ZNF513: variants seen among roughly 807,000 people sequenced by gnomAD.
ZNF513 encodes zinc finger protein 513.
ZNF513 carries 16 observed loss-of-function variants against 39.7 expected under a neutral mutation model. The observed-to-expected ratio is 0.40, with a 90% CI of 0.27 to 0.61. The LOEUF (loss-of-function observed/expected upper bound fraction) is 0.61. Among genes scored for constraint, ZNF513 ranks in the 20% least tolerant of loss-of-function variants. The pLI, the probability that ZNF513 is intolerant of heterozygous loss-of-function variation, is 0.39. For synonymous variants in ZNF513, 348 were observed against 296.5 expected (o/e 1.17, Z -1.79); for missense variants, 699 against 743.6 (o/e 0.94, Z 0.70).
chr2:27,379,783 C>T (rs1204637541), intron 2 of ZNF513, among the ~76,000 whole-genome samples: 2 of 152,128 alleles, frequency 1.3e-5, no homozygotes, highest in Non-Finnish European at 2.9e-5. Context: ...CTTCCCTGAA[C>T]CTCTCTTAAA....
rs752172050 is a variant in ZNF513, at chr2:27,377,419, C to A, written c.*126G>T. 1 of 1,069,856 alleles carries A rather than the reference C, an allele frequency of 9.3e-7. No homozygotes were observed. Among genetic ancestry groups the A allele is most frequent in the Admixed American group, 2.0e-5 (1 of 50,890 alleles). The allele number at this position is 1,069,856 out of a possible 1,614,324, so 66.3% of individuals were successfully genotyped here. A position where few individuals can be genotyped will look rare whatever the true frequency, so the allele number is the denominator to read the frequency against. On this transcript the variant is annotated 3_prime_UTR_variant, in exon 4 of 4. Coordinates refer to ENST00000323703, the MANE Select transcript of ZNF513 (RefSeq NM_144631.6). This position sits in a 1 kb window ranked among gnomAD's most constrained non-coding sequence, Gnocchi z 4.4. ...AGGTCCCCTGGTCCATATGGGCCCC[C>A]CCGCCCATGGGGTTGGGCTGGTCCT...
In ZNF513 at chr2:27,378,029, G is replaced by A. The variant is rs1214295773; in HGVS notation, c.1142C>T (p.Thr381Ile). The A allele has an allele frequency of 6.2e-7, 1 of 1,611,606 alleles. No homozygotes were observed. The highest frequency in any genetic ancestry group is 1.3e-5 in the African/African-American group (1 of 74,950). The change falls in exon 4 of 4, where the codon ACA becomes ATA. Residue 381 changes from threonine (T) to isoleucine (I), a missense_variant. Thr to Ile is a moderately conservative substitution (Grantham distance 89). Transcript: ENST00000323703. This position sits in a 1 kb window ranked among gnomAD's most constrained non-coding sequence, Gnocchi z 8.0. ...YPNHLARHMK[T>I]HSGEKPFRCA... ...GCGGAAGGGCTTCTCACCACTGTGT[G>A]TCTTCATGTGCCGGGCCAGGTGGTT... is the stretch of plus-strand genomic sequence containing the variant.
At position 27,378,598 on chromosome 2, in the gene ZNF513, C is replaced by T. The variant is rs768676752; in HGVS notation, c.668G>A (p.Arg223Gln). ...GGGCCCTGCGTGGGTACGCTGATGCCGCCTCAGGTTGCCCAGGCTGCTGCA... is the reference window on the plus strand; with the variant it reads ...GGGCCCTGCGTGGGTACGCTGATGCTGCCTCAGGTTGCCCAGGCTGCTGCA... ...FACSSLGNLRRHQRTHAGPPT... is the reference protein window; with the variant it reads ...FACSSLGNLRQHQRTHAGPPT... Residue 223 changes from arginine (R) to glutamine (Q), a missense_variant, in exon 3 of 4, where the codon CGG becomes CAG. By Grantham distance (43) the Arg-to-Gln change is conservative (BLOSUM62 1). Coordinates refer to ENST00000323703, the MANE Select transcript of ZNF513 (RefSeq NM_144631.6). The surrounding 1 kb of genome is among the most constrained non-coding windows in gnomAD (Gnocchi z 8.0). The T allele has an allele frequency of 8.1e-6, 13 of 1,613,930 alleles. No individual in the cohort carries two copies. The highest frequency in any genetic ancestry group is 2.7e-5 in the African/African-American group (2 of 75,044).
intron 2 of ZNF513, among the ~76,000 whole-genome samples, chr2:27,379,874 C>T (rs1461686303): frequency 6.6e-6 from 1 of 152,182 alleles, no homozygotes; most frequent in Non-Finnish European, 1.5e-5. Context: ...ATTCACCCAC[C>T]CTCCTATTCC....
Position 27,378,390 on chromosome 2 carries a change from G to A in ZNF513, c.800-19C>T. 6.2e-7 allele frequency: 1 copy of A among 1,608,164 alleles called. No individual in the cohort carries two copies. The highest frequency in any genetic ancestry group is 8.5e-7 in the Non-Finnish European group (1 of 1,179,894). On this transcript the variant is annotated intron_variant, in intron 3 of 3. Coordinates refer to ENST00000323703, the MANE Select transcript of ZNF513 (RefSeq NM_144631.6). This position sits in a 1 kb window ranked among gnomAD's most constrained non-coding sequence, Gnocchi z 8.0. ...AGAGCATCTGTGGGGACAAAGACCT[G>A]GGCTATGAATCCAATCCAAGCATTC...
chr2:27,378,019 A>C lies in ZNF513; in HGVS notation c.1152T>G (p.Gly384=). 1 of 1,612,026 alleles carries C rather than the reference A, an allele frequency of 6.2e-7. No individual in the cohort carries two copies. Residue 384 remains glycine, a synonymous_variant, in exon 4 of 4, where the codon GGT becomes GGG. Coordinates refer to ENST00000323703, the MANE Select transcript of ZNF513 (RefSeq NM_144631.6). This position sits in a 1 kb window ranked among gnomAD's most constrained non-coding sequence, Gnocchi z 8.0. ...AGCGGGCGCAGCGGAAGGGCTTCTCACCACTGTGTGTCTTCATGTGCCGGG... is the reference window on the plus strand; with the variant it reads ...AGCGGGCGCAGCGGAAGGGCTTCTCCCCACTGTGTGTCTTCATGTGCCGGG... ...HLARHMKTHS[G]EKPFRCARCP... is the part of the protein sequence containing the mutation.
chr2:27,378,540 G>A lies in ZNF513; in HGVS notation c.726C>T (p.Arg242=), dbSNP rs2148413061. 1 of 1,614,114 alleles carries A rather than the reference G, an allele frequency of 6.2e-7. No homozygotes were observed. Among genetic ancestry groups the A allele is most frequent in the Admixed American group, 1.7e-5 (1 of 60,036 alleles). ...GCCGGGCTGGTCGTGGAGTACAGCA[G>A]CGGAAGCCACAGGTCGGGCAGGGAG... The part of the protein sequence containing the change: ...PTPPCPTCGF[R]CCTPRPARPP... The change falls in exon 3 of 4, where the codon CGC becomes CGT. Residue 242 remains arginine, a synonymous_variant. Transcript: ENST00000323703. The surrounding 1 kb of genome is among the most constrained non-coding windows in gnomAD (Gnocchi z 8.0).
At position 27,380,530 on chromosome 2, in the gene ZNF513, G is replaced by A; in HGVS notation, c.-4C>T. 1 of 1,571,128 alleles carries A rather than the reference G, an allele frequency of 6.4e-7. No individual in the cohort carries two copies. The highest frequency in any genetic ancestry group is 8.7e-7 in the Non-Finnish European group (1 of 1,149,050). On this transcript the variant is annotated 5_prime_UTR_variant, in exon 1 of 4. Coordinates refer to ENST00000323703, the MANE Select transcript of ZNF513 (RefSeq NM_144631.6). ...GGCTTTGCTTCCTTCGGGGCATCGTGACCGGCTCCAGCCCGACGCGCCTCC... is the reference window on the plus strand; with the variant it reads ...GGCTTTGCTTCCTTCGGGGCATCGTAACCGGCTCCAGCCCGACGCGCCTCC...
chr2:27,377,519 T>C lies in ZNF513; in HGVS notation c.*26A>G. On this transcript the variant is annotated 3_prime_UTR_variant, in exon 4 of 4. Transcript: ENST00000323703. This position sits in a 1 kb window ranked among gnomAD's most constrained non-coding sequence, Gnocchi z 4.4. ...AAAGGTGGCTTCTGGTCCGTCTGTATAAAACATGGGGAAGAAGGACCTAGT... is the reference window on the plus strand; with the variant it reads ...AAAGGTGGCTTCTGGTCCGTCTGTACAAAACATGGGGAAGAAGGACCTAGT... 1.2e-6 allele frequency: 2 copies of C among 1,612,384 alleles called. No individual in the cohort carries two copies. The highest frequency in any genetic ancestry group is 1.7e-6 in the Non-Finnish European group (2 of 1,178,760).
chr2:27,379,800 T>C (rs951777263), intron 2 of ZNF513, among the ~76,000 whole-genome samples: 1 of 152,150 alleles, frequency 6.6e-6, no homozygotes, highest in Non-Finnish European at 1.5e-5. Context: ...TAAAAGTAAA[T>C]ACACATAAGG....
chr2:27,378,168 T>A lies in ZNF513; in HGVS notation c.1003A>T (p.Met335Leu). Residue 335 changes from methionine to leucine, a missense_variant, in exon 4 of 4, where the codon ATG becomes TTG. By Grantham distance (15) the Met-to-Leu change is conservative. Transcript: ENST00000323703. The surrounding 1 kb of genome is among the most constrained non-coding windows in gnomAD (Gnocchi z 8.0). ...TCTCCTCGCATGCAGCGCCCACACA[T>A]GGCAGCTCCCAGCCGACTACCCTCA... ...EGEGSRLGAA[M>L]CGRCMRGEAG... 1.2e-6 allele frequency: 2 copies of A among 1,612,852 alleles called. No individual in the cohort carries two copies. Among genetic ancestry groups the A allele is most frequent in the Non-Finnish European group, 1.7e-6 (2 of 1,179,926 alleles).
In ZNF513 at chr2:27,378,035, A is replaced by G. The variant is rs1683424702; in HGVS notation, c.1136T>C (p.Met379Thr). ...THYPNHLARH[M>T]KTHSGEKPFR... ...GGGCTTCTCACCACTGTGTGTCTTC[A>G]TGTGCCGGGCCAGGTGGTTGGGATA... Residue 379 changes from methionine to threonine, a missense_variant, in exon 4 of 4, where the codon ATG (methionine) becomes ACG (threonine). Physicochemically the swap from Met to Thr is moderately conservative, Grantham distance 81. Around this residue, in one of 3 missense-constraint regions of ZNF513, gnomAD observed 98 missense variants for 180.2 expected, o/e 0.54. Transcript: ENST00000323703. The surrounding 1 kb of genome is among the most constrained non-coding windows in gnomAD (Gnocchi z 8.0). 1 of 1,611,222 alleles carries G rather than the reference A, an allele frequency of 6.2e-7. No homozygotes were observed. Among genetic ancestry groups the G allele is most frequent in the Non-Finnish European group, 8.5e-7 (1 of 1,177,804 alleles).
chr2:27,379,983 A>AACC, intron 2 of ZNF513, 110 bp downstream of exon 2: 2 of 1,441,560 alleles, frequency 1.4e-6, no homozygotes, highest in Non-Finnish European at 2.0e-6. Context: ...ATGTAAACTA[A>AACC]ACCAGCCCTC....
Position 27,377,732 on chromosome 2 carries a change from G to T in ZNF513, c.1439C>A (p.Thr480Asn), listed in dbSNP as rs754965989. 6.2e-7 allele frequency: 1 copy of T among 1,614,250 alleles called. No homozygotes were observed. The highest frequency in any genetic ancestry group is 1.3e-5 in the African/African-American group (1 of 75,064). The change falls in exon 4 of 4, where the codon ACC (threonine) becomes AAC (asparagine). Residue 480 changes from threonine (T) to asparagine (N), a missense_variant. By Grantham distance (65) the Thr-to-Asn change is moderately conservative. Coordinates refer to ENST00000323703, the MANE Select transcript of ZNF513 (RefSeq NM_144631.6). The surrounding 1 kb of genome is among the most constrained non-coding windows in gnomAD (Gnocchi z 4.4). ...CTTGTAGTTGTCCCAGTGGCCCGTG[G>T]TATAGGCGCAGGTGGCACAGCGGAA... ...KPFRCATCAY[T>N]TGHWDNYKRH...
At position 27,378,185 on chromosome 2, in the gene ZNF513, C is replaced by T. The variant is rs751269267; in HGVS notation, c.986G>A (p.Ser329Asn). Residue 329 changes from serine (S) to asparagine (N), a missense_variant, in exon 4 of 4, where the codon AGT (serine) becomes AAT (asparagine). Transcript: ENST00000323703. The surrounding 1 kb of genome is among the most constrained non-coding windows in gnomAD (Gnocchi z 8.0). Reference sequence around the variant, plus strand: ...CCCACACATGGCAGCTCCCAGCCGACTACCCTCACCCTCCTCCAGCTCTTG... The same window carrying T: ...CCCACACATGGCAGCTCCCAGCCGATTACCCTCACCCTCCTCCAGCTCTTG... Reference protein sequence around the residue: ...CGQELEEGEGSRLGAAMCGRC... With the variant: ...CGQELEEGEGNRLGAAMCGRC... 2 of 1,611,092 alleles carry T rather than the reference C, an allele frequency of 1.2e-6. No individual in the cohort carries two copies. Among genetic ancestry groups the T allele is most frequent in the East Asian group, 2.2e-5 (1 of 44,880 alleles).
At position 27,377,937 on chromosome 2, in the gene ZNF513, CT is replaced by C; in HGVS notation, c.1233del (p.Gly412GlufsTer46). 6.2e-7 allele frequency: 1 copy of C among 1,613,958 alleles called. No homozygotes were observed. On this transcript the variant is annotated frameshift_variant, in exon 4 of 4. Coordinates refer to ENST00000323703, the MANE Select transcript of ZNF513 (RefSeq NM_144631.6). LOFTEE classifies it high-confidence loss of function. The surrounding 1 kb of genome is among the most constrained non-coding windows in gnomAD (Gnocchi z 4.4). The part of the protein sequence containing the change: ...DNLKRHQRVH[T>X]GEKPYKCPLC... The stretch of plus-strand genomic sequence containing the variant: ...AGGGGGCACTTGTAGGGCTTCTCTC[CT>C]GTATGGACGCGCTGGTGCCGTTTCA...
rs1683382282 is a variant in ZNF513, at chr2:27,377,554, G to C, written c.1617C>G (p.Asp539Glu). ...GGAAGAAGGACCTAGTTCAGGATGA[G>C]TCTGTGTGGACAGCCCGGCTGCCAG... ...GTAGSRAVHT[D>E]SS The change falls in exon 4 of 4, where the codon GAC becomes GAG. Residue 539 changes from aspartate to glutamate, a missense_variant. By Grantham distance (45) the Asp-to-Glu change is conservative. Around this residue, in one of 3 missense-constraint regions of ZNF513, gnomAD observed 71 missense variants for 64.1 expected, o/e 1.11. Transcript: ENST00000323703. The surrounding 1 kb of genome is among the most constrained non-coding windows in gnomAD (Gnocchi z 4.4). 1 of 1,614,076 alleles carries C rather than the reference G, an allele frequency of 6.2e-7. No homozygotes were observed. The highest frequency in any genetic ancestry group is 1.7e-5 in the Admixed American group (1 of 60,030).
Position 27,378,489 on chromosome 2 carries a change from C to T in ZNF513, c.777G>A (p.Gly259=), listed in dbSNP as rs760738053. Residue 259 remains glycine, a synonymous_variant, in exon 3 of 4, where the codon GGG becomes GGA. Coordinates refer to ENST00000323703, the MANE Select transcript of ZNF513 (RefSeq NM_144631.6). The surrounding 1 kb of genome is among the most constrained non-coding windows in gnomAD (Gnocchi z 8.0). The part of the protein sequence containing the change: ...ARPPSPTEQE[G]AVPRRPEDAL... ...TACCTTCAGGTCGCCGGGGCACCGCCCCCTCCTGCTCTGTGGGACTGGGAG... is the reference window on the plus strand; with the variant it reads ...TACCTTCAGGTCGCCGGGGCACCGCTCCCTCCTGCTCTGTGGGACTGGGAG... The T allele has an allele frequency of 1.1e-5, 17 of 1,614,168 alleles. No individual in the cohort carries two copies. Among genetic ancestry groups the T allele is most frequent in the Non-Finnish European group, 1.4e-5 (16 of 1,180,038 alleles).
intron 2 of ZNF513, among the ~76,000 whole-genome samples, chr2:27,379,353 G>A (rs1683513539): frequency 1.3e-5 from 2 of 152,146 alleles, no homozygotes; most frequent in South Asian, 4.1e-4. Context: ...AATCCATAAT[G>A]AAATTAATTC....
Sources: allele counts gnomAD v4.1 joint callset (sites outside exome capture counted in the v4.1 genomes callset), GRCh38; gene constraint gnomAD v4.1.1; regional missense constraint gnomAD v4.1.1; non-coding constraint Gnocchi (gnomAD v3.1); transcripts MANE v1.5; gene names NCBI Gene and HGNC (gene_info 2026-07-23, HGNC 2026-07-21).